Variants in PITPNB observed in about 807,000 individuals in gnomAD.
PITPNB encodes phosphatidylinositol transfer protein beta isoform.
PITPNB carries 16 observed loss-of-function variants against 45.9 expected under a neutral mutation model. That is an observed-to-expected ratio of 0.35 (90% CI 0.24 to 0.53). PITPNB has a LOEUF of 0.53. PITPNB is among the 20% of genes least tolerant of loss of function. The pLI, the probability that PITPNB is intolerant of heterozygous loss-of-function variation, is 0.93. For synonymous variants in PITPNB, 112 were observed against 108.9 expected, an observed-to-expected ratio of 1.03 and a Z score of -0.18; for missense variants, 188 against 330.5, an observed-to-expected ratio of 0.57 and a Z score of 3.34.
intron 7 of PITPNB, among the ~76,000 whole-genome samples, chr22:27,891,847 A>G (rs1402062599): frequency 4.6e-5 from 7 of 152,150 alleles, no homozygotes; most frequent in Admixed American, 4.6e-4. Flanking sequence ...TATGAAACAG[A>G]CTAATATACT....
intron 1 of PITPNB, 30 bp downstream of exon 1, chr22:27,919,142 G>A (rs761278825): frequency 6.2e-6 from 10 of 1,613,962 alleles, no homozygotes; most frequent in South Asian, 5.5e-5. Flanking sequence ...GCCGTCCCAC[G>A]GCCTCGCTCG....
At chr22:27,918,836 G>A (rs1037272891) in intron 1 of PITPNB, among the ~76,000 whole-genome samples, 2 of 152,284 alleles carry the variant, frequency 1.3e-5, no homozygotes, top group South Asian at 2.1e-4. Context: ...CGGGCCTGGG[G>A]GTGGGCCCAG....
rs1325357492 is a variant in PITPNB, at chr22:27,876,688, T to C, written c.457-2873A>G. 2.0e-5 allele frequency among the ~76,000 whole-genome samples: 3 copies of C among 152,344 alleles called. No individual in the cohort carries two copies. In the South Asian group the frequency reaches 6.2e-4, roughly 32 times the overall value. ...TCACTATTGGGTATCTAGTTTGGTC[T>C]TGCTGTATCTGAAAACTGGCCAATT... On this transcript the variant is annotated intron_variant, in intron 7 of 11. Transcript: ENST00000335272.
At position 27,913,157 on chromosome 22, in the gene PITPNB, A is replaced by C. The variant is rs572865256; in HGVS notation, c.51+1160T>G. 2.0e-5 allele frequency among the ~76,000 whole-genome samples: 3 copies of C among 152,292 alleles called. No individual in the cohort carries two copies. The South Asian group carries it at 6.2e-4, about 32-fold the overall frequency. On this transcript the variant is annotated intron_variant, in intron 2 of 11. Transcript: ENST00000335272. ...TCAATTTCCACATTCAACTTCAAAC[A>C]ATCAATTGTGCAAATAGAGAACAGG...
At chr22:27,885,977 T>C (rs372691462) in intron 7 of PITPNB, among the ~76,000 whole-genome samples, 6 of 152,208 alleles carry the variant, frequency 3.9e-5, no homozygotes, top group African/African-American at 1.4e-4. Context: ...TCTAGCTTAC[T>C]GAGGAAGACT....
intron 7 of PITPNB, among the ~76,000 whole-genome samples, chr22:27,892,693 G>C (rs1366939833): frequency 1.3e-5 from 2 of 152,124 alleles, no homozygotes; most frequent in Non-Finnish European, 2.9e-5. Flanking sequence ...AAATAAAAGG[G>C]CATAACAGAT....
rs144395576 is a variant in PITPNB, at chr22:27,914,164, G to A, written c.51+153C>T. Among the ~76,000 whole-genome samples, 353 of 152,226 alleles carry A rather than the reference G, an allele frequency of 2.3e-3. 1 individual carries two copies. Among genetic ancestry groups the A allele is most frequent in the Middle Eastern group, 6.8e-3 (2 of 294 alleles). ...CATTATCATTCATTTAATTCATTTT[G>A]CAATTCTTTGCAATTATCATTCATA... On this transcript the variant is annotated intron_variant, in intron 2 of 11. Transcript: ENST00000335272.
chr22:27,883,460 C>A (rs1336052347), intron 7 of PITPNB, among the ~76,000 whole-genome samples: 3 of 152,236 alleles, frequency 2.0e-5, no homozygotes, highest in African/African-American at 7.2e-5. Flanking sequence ...ACAATCTTCA[C>A]CATTAATAAT....
intron 7 of PITPNB, among the ~76,000 whole-genome samples, chr22:27,892,971 A>G (rs909443683): frequency 6.6e-6 from 1 of 152,194 alleles, no homozygotes; most frequent in African/African-American, 2.4e-5. Context: ...GTTTACCTTT[A>G]AATTTCAACA....
chr22:27,856,601 T>C (rs1390215430), intron 10 of PITPNB, among the ~76,000 whole-genome samples: 2 of 152,222 alleles, frequency 1.3e-5, no homozygotes, highest in Non-Finnish European at 2.9e-5. Context: ...TGGTCAATGG[T>C]AACTACTCTT....
At chr22:27,871,057 A>ATT (rs1280747032) in intron 8 of PITPNB, among the ~76,000 whole-genome samples, 4 of 152,244 alleles carry the variant, frequency 2.6e-5, no homozygotes, top group African/African-American at 9.6e-5. Flanking sequence ...AGGGGGGAAA[A>ATT]TGGAAAAAAA....
chr22:27,904,715 TTTGA>T (rs1935707225), intron 3 of PITPNB, among the ~76,000 whole-genome samples: 1 of 152,090 alleles, frequency 6.6e-6, no homozygotes. Flanking sequence ...AGAAGGTAAC[TTTGA>T]TTGATTAACA....
At chr22:27,909,409 G>C (rs1935855996) in intron 3 of PITPNB, among the ~76,000 whole-genome samples, 1 of 151,726 alleles carries the variant, frequency 6.6e-6, no homozygotes, top group Admixed American at 6.6e-5. Context: ...ATACAGATTA[G>C]ACTGCCAAAC....
intron 10 of PITPNB, among the ~76,000 whole-genome samples, chr22:27,857,750 G>C (rs1468896926): frequency 2.6e-5 from 4 of 152,166 alleles, no homozygotes; most frequent in Non-Finnish European, 5.9e-5. Context: ...AATCCATCCC[G>C]AGGAGAGAGA....
At chr22:27,910,637 C>G (rs1387937569) in intron 3 of PITPNB, 2 of 195,026 alleles carry the variant, frequency 1.0e-5, no homozygotes, top group Admixed American at 5.4e-5. Context: ...AGTAATACAT[C>G]GCTATGTTTT....
chr22:27,916,211 T>C lies in PITPNB; in HGVS notation c.21-1864A>G, dbSNP rs149296936. ...TCTTTCAAAAAATTAAAGTGACTGATTAAGACATTCAGAACAATGAGTCAA... is the reference window on the plus strand; with the variant it reads ...TCTTTCAAAAAATTAAAGTGACTGACTAAGACATTCAGAACAATGAGTCAA... On this transcript the variant is annotated intron_variant, in intron 1 of 11. Coordinates refer to ENST00000335272, the MANE Select transcript of PITPNB (RefSeq NM_012399.5). Among the ~76,000 whole-genome samples, 845 of 152,368 alleles carry C rather than the reference T, an allele frequency of 5.5e-3. 8 individuals carry two copies. Among genetic ancestry groups the C allele is most frequent in the Non-Finnish European group, 8.7e-3 (591 of 68,036 alleles).
At chr22:27,880,625 G>C (rs1021263540) in intron 7 of PITPNB, among the ~76,000 whole-genome samples, 1 of 151,426 alleles carries the variant, frequency 6.6e-6, no homozygotes, top group Non-Finnish European at 1.5e-5. Flanking sequence ...TGTACACACC[G>C]ATTTTTTTTT....
chr22:27,857,217 A>T (rs1934199531), intron 10 of PITPNB, among the ~76,000 whole-genome samples: 1 of 152,216 alleles, frequency 6.6e-6, no homozygotes, highest in Non-Finnish European at 1.5e-5. Flanking sequence ...CTATGGGAAA[A>T]TATGTTCCAA....
chr22:27,873,135 C>T (rs1376579182), intron 8 of PITPNB, among the ~76,000 whole-genome samples: 5 of 152,090 alleles, frequency 3.3e-5, no homozygotes, highest in Admixed American at 1.3e-4. Context: ...GGCATGGTGG[C>T]GCATGCCTGT....
Sources: allele counts gnomAD v4.1 joint callset (sites outside exome capture counted in the v4.1 genomes callset), GRCh38; gene constraint gnomAD v4.1.1; transcripts MANE v1.5; gene names NCBI Gene and HGNC (gene_info 2026-07-23, HGNC 2026-07-21).